CCNY: variants seen among roughly 807,000 people sequenced by gnomAD.
CCNY encodes the protein cyclin Y.
Under a neutral mutation model 42.8 loss-of-function variants are expected in CCNY, and 19 were observed. The observed-to-expected ratio is 0.44, with a 90% CI of 0.31 to 0.65. The LOEUF (loss-of-function observed/expected upper bound fraction) is 0.65. Ranked by LOEUF, CCNY falls within the 30% of genes least tolerant of loss-of-function variation. The pLI is 0.07. For synonymous variants in CCNY, 165 were observed against 162.7 expected (o/e 1.01, Z -0.11); for missense variants, 370 against 437.3 (o/e 0.85, Z 1.37).
chr10:35,542,006 T>C (rs1001515095), intron 7 of CCNY, among the ~76,000 whole-genome samples: 5 of 150,436 alleles, frequency 3.3e-5, no homozygotes, highest in Non-Finnish European at 7.4e-5. Flanking sequence ...TAGTGGTCAT[T>C]ACCCAGCATC....
intron 3 of CCNY, among the ~76,000 whole-genome samples, chr10:35,515,884 C>T (rs925840684): frequency 6.6e-6 from 1 of 152,190 alleles, no homozygotes; most frequent in Non-Finnish European, 1.5e-5. Flanking sequence ...TATGAAAGAA[C>T]CTGTCATAAG....
At chr10:35,383,118 C>A (rs1303206166) in intron 1 of CCNY, among the ~76,000 whole-genome samples, 1 of 152,152 alleles carries the variant, frequency 6.6e-6, no homozygotes, top group African/African-American at 2.4e-5. Context: ...TCTGTGGGTT[C>A]TACAGCTCCG....
intron 1 of CCNY, among the ~76,000 whole-genome samples, chr10:35,475,063 T>A (rs1839477080): frequency 6.6e-6 from 1 of 151,786 alleles, no homozygotes; most frequent in South Asian, 2.1e-4. Context: ...GAAGATGAAA[T>A]GAAGCGAGAA....
chr10:35,538,749 TTTGTC>T (rs1285168027), intron 7 of CCNY, among the ~76,000 whole-genome samples: 3 of 152,356 alleles, frequency 2.0e-5, no homozygotes, highest in African/African-American at 7.2e-5. Flanking sequence ...TCTTGTCTGT[TTTGTC>T]ATTTCTTTTT....
At chr10:35,401,774 C>T (rs1295113229) in intron 1 of CCNY, among the ~76,000 whole-genome samples, 1 of 151,846 alleles carries the variant, frequency 6.6e-6, no homozygotes, top group Non-Finnish European at 1.5e-5. Context: ...GTTTTGGGGG[C>T]AGGGGGTGGA....
Position 35,348,671 on chromosome 10 carries a change from C to A in CCNY, c.154+11464C>A, listed in dbSNP as rs1836360855. Among the ~76,000 whole-genome samples the A allele has an allele frequency of 2.0e-5, 3 of 152,320 alleles. No individual in the cohort carries two copies. In the South Asian group the frequency reaches 6.2e-4, roughly 32 times the overall value. On this transcript the variant is annotated intron_variant, in intron 1 of 9. Transcript: ENST00000374704. ...GCAGGGCTCTGAAAGCCCGGCAGGG[C>A]CCTGAGAGGTCAGCAGCAGGCAGCC...
chr10:35,269,373 G>A (rs1305482658), intron 3 of CCNY, among the ~76,000 whole-genome samples: 1 of 151,912 alleles, frequency 6.6e-6, no homozygotes, highest in Non-Finnish European at 1.5e-5. Context: ...CTGGAGTGCA[G>A]TGGCAAAATC....
rs960818798 is a variant in CCNY at position 35,410,044 on chromosome 10, G to A, written c.154+72837G>A. Among the ~76,000 whole-genome samples, 2 of 152,128 alleles carry A rather than the reference G, an allele frequency of 1.3e-5. 1 individual carries two copies. The highest frequency in any genetic ancestry group is 4.8e-5 in the African/African-American group (2 of 41,424). Reference sequence around the variant, plus strand: ...AAGCATGAGCCCCTGCACCAGCCATGTGATTGTTAGATTGTGCAACTTAGA... The same window carrying A: ...AAGCATGAGCCCCTGCACCAGCCATATGATTGTTAGATTGTGCAACTTAGA... On this transcript the variant is annotated intron_variant, in intron 1 of 9. Coordinates refer to ENST00000374704, the MANE Select transcript of CCNY (RefSeq NM_145012.6).
intron 1 of CCNY, among the ~76,000 whole-genome samples, chr10:35,379,102 G>A (rs529253507): frequency 5.9e-5 from 9 of 152,318 alleles, no homozygotes; most frequent in African/African-American, 1.9e-4. Flanking sequence ...TTTGGTTCAC[G>A]TGTCAGCCTG....
intron 3 of CCNY, among the ~76,000 whole-genome samples, chr10:35,296,991 C>G (rs1354692343): frequency 6.6e-6 from 1 of 151,636 alleles, no homozygotes; most frequent in East Asian, 1.9e-4. Flanking sequence ...CCTGGCAAAA[C>G]ACAACAACAA....
intron 1 of CCNY, among the ~76,000 whole-genome samples, chr10:35,479,199 G>C (rs1247360801): frequency 6.6e-5 from 10 of 151,734 alleles, no homozygotes; most frequent in African/African-American, 2.2e-4. Context: ...TCAGTGTGGT[G>C]ATTCCTCAGG....
At chr10:35,535,268 C>G (rs1447368328) in intron 7 of CCNY, among the ~76,000 whole-genome samples, 1 of 151,910 alleles carries the variant, frequency 6.6e-6, no homozygotes, top group East Asian at 1.9e-4. Context: ...TTAGAGCAGG[C>G]CTGCACAGCT....
rs144491779 is a variant in CCNY, at chr10:35,303,947, T to C, written c.-9+53321T>C. ...ACAGATTACGATGTGGGGAAAACAC[T>C]AAGATCCACCACTCTTTATCCACCC... On this transcript the variant is annotated intron_variant, in intron 3 of 11. Coordinates refer to the CCNY transcript ENST00000374706. 5.9e-5 allele frequency among the ~76,000 whole-genome samples: 9 copies of C among 152,234 alleles called. No homozygotes were observed. In the East Asian group the frequency reaches 1.7e-3, roughly 29 times the overall value.
At chr10:35,566,952 T>C (rs963893545) in intron 9 of CCNY, among the ~76,000 whole-genome samples, 2 of 152,166 alleles carry the variant, frequency 1.3e-5, no homozygotes, top group African/African-American at 4.8e-5. Flanking sequence ...GACCTTGTGA[T>C]CTGCCCACCT....
At chr10:35,444,067 G>A (rs926866183) in intron 1 of CCNY, among the ~76,000 whole-genome samples, 8 of 152,132 alleles carry the variant, frequency 5.3e-5, no homozygotes, top group Admixed American at 5.2e-4. Flanking sequence ...AATTAGCCTT[G>A]CTGAGAGATC....
At chr10:35,458,135 G>T (rs1030876171) in intron 1 of CCNY, among the ~76,000 whole-genome samples, 6 of 152,202 alleles carry the variant, frequency 3.9e-5, no homozygotes, top group Non-Finnish European at 8.8e-5. Flanking sequence ...CCTACAAGCT[G>T]TTTCTGCATA....
intron 1 of CCNY, among the ~76,000 whole-genome samples, chr10:35,402,749 A>G (rs1209940587): frequency 6.6e-6 from 1 of 152,184 alleles, no homozygotes; most frequent in African/African-American, 2.4e-5. Context: ...GGGTGAAAGT[A>G]TTGGAGGATA....
intron 2 of CCNY, among the ~76,000 whole-genome samples, chr10:35,500,143 C>G (rs1030529639): frequency 1.3e-5 from 2 of 152,272 alleles, no homozygotes; most frequent in Non-Finnish European, 2.9e-5. Context: ...TGGCCTCATG[C>G]ATGGCCAGGG....
chr10:35,291,270 G>A (rs997801798), intron 3 of CCNY, among the ~76,000 whole-genome samples: 1 of 152,102 alleles, frequency 6.6e-6, no homozygotes, highest in Admixed American at 6.6e-5. Flanking sequence ...GCCCCTCATA[G>A]TGCTGGGATT....
Sources: allele counts gnomAD v4.1 joint callset (sites outside exome capture counted in the v4.1 genomes callset), GRCh38; gene constraint gnomAD v4.1.1; transcripts MANE v1.5; gene names NCBI Gene and HGNC (gene_info 2026-07-23, HGNC 2026-07-21).